The following ASB4 variants were observed in gnomAD, a reference collection of about 807,000 sequenced individuals.
ASB4 encodes ankyrin repeat and SOCS box containing 4.
A neutral mutation model predicts 38.6 loss-of-function variants in ASB4; 35 were observed. That is an observed-to-expected ratio of 0.91 (90% CI 0.69 to 1.20). ASB4 has a LOEUF of 1.20. ASB4 is among the 50% of genes most tolerant of loss of function. The pLI is 0.00. For missense variants in ASB4, 557 were observed against 527.2 expected (o/e 1.06, Z -0.55); for synonymous variants, 195 against 201.3 (o/e 0.97, Z 0.26).
At chr7:95,478,925 G>GCGCCCC (rs1389820595) in intron 1 of ASB4, among the ~76,000 whole-genome samples, 2 of 152,150 alleles carry the variant, frequency 1.3e-5, no homozygotes, top group Admixed American at 1.3e-4. Flanking sequence ...AGTTCTTCCA[G>GCGCCCC]CGCCCCCAAC....
intron 2 of ASB4, among the ~76,000 whole-genome samples, chr7:95,503,245 C>G (rs995053907): frequency 1.3e-5 from 2 of 152,076 alleles, no homozygotes; most frequent in African/African-American, 4.8e-5. Context: ...AGAAAACAAA[C>G]CTGTGAATCA....
At chr7:95,499,635 A>G (rs138256660) in intron 2 of ASB4, among the ~76,000 whole-genome samples, 134 of 152,298 alleles carry the variant, frequency 8.8e-4, no homozygotes, top group African/African-American at 3.1e-3. Context: ...AACAATTGGT[A>G]AAAAGAAGTG....
intron 3 of ASB4, among the ~76,000 whole-genome samples, chr7:95,536,222 GT>G (rs571581914): frequency 0.023 from 3,447 of 148,416 alleles, 81 homozygotes; most frequent in Admixed American, 0.058. Context: ...GTGGGTTCTG[GT>G]TTTTTTTTTA....
At chr7:95,508,256 C>T (rs898985573) in intron 2 of ASB4, among the ~76,000 whole-genome samples, 14 of 151,942 alleles carry the variant, frequency 9.2e-5, no homozygotes, top group Admixed American at 6.6e-5. Flanking sequence ...TCTGTTCTAT[C>T]GTAGCCAGAG....
the ASB4 span, among the ~76,000 whole-genome samples, chr7:95,550,502 T>G: frequency 1.3e-5 from 2 of 152,172 alleles, no homozygotes; most frequent in Non-Finnish European, 2.9e-5. Flanking sequence ...CCTCTAGCCT[T>G]CAAAAGCAAA....
downstream of ASB4, among the ~76,000 whole-genome samples, chr7:95,545,180 A>G (rs73708034): frequency 0.022 from 3,286 of 152,262 alleles, 130 homozygotes; most frequent in African/African-American, 0.075. Flanking sequence ...GCACTGTAGG[A>G]GAATTTTCTC....
chr7:95,504,100 C>G (rs993152043), intron 2 of ASB4, among the ~76,000 whole-genome samples: 1 of 152,140 alleles, frequency 6.6e-6, no homozygotes, highest in African/African-American at 2.4e-5. Flanking sequence ...TAAAGAGAGT[C>G]GGGGCAGGTT....
upstream of ASB4, among the ~76,000 whole-genome samples, chr7:95,478,095 A>G (rs1307385236): frequency 6.6e-6 from 1 of 152,320 alleles, no homozygotes; most frequent in East Asian, 1.9e-4. Context: ...GGACAGTCCA[A>G]TTTCTTTACC....
chr7:95,512,329 C>T (rs564083657), intron 2 of ASB4, among the ~76,000 whole-genome samples: 3 of 152,296 alleles, frequency 2.0e-5, no homozygotes, highest in East Asian at 1.9e-4. Flanking sequence ...AATGGGGCTA[C>T]GGATAATTCA....
intron 1 of ASB4, among the ~76,000 whole-genome samples, chr7:95,488,819 G>A (rs1227546155): frequency 6.6e-6 from 1 of 152,194 alleles, no homozygotes; most frequent in Non-Finnish European, 1.5e-5. Context: ...TGAGGAAACA[G>A]AGCATTCCTG....
At chr7:95,480,348 T>C (rs1790012349) in intron 1 of ASB4, among the ~76,000 whole-genome samples, 1 of 152,184 alleles carries the variant, frequency 6.6e-6, no homozygotes, top group Non-Finnish European at 1.5e-5. Flanking sequence ...GCAGTACTTA[T>C]AAAAAGTACA....
Position 95,528,076 on chromosome 7 carries a change from G to T in ASB4, c.751G>T (p.Asp251Tyr). ...YKAEVNARDD[D>Y]FKSPLHKAAW... ...AGCCGAAGTCAATGCCCGAGATGACGACTTTAAATCTCCCCTCCACAAGGC... is the reference window on the plus strand; with the variant it reads ...AGCCGAAGTCAATGCCCGAGATGACTACTTTAAATCTCCCCTCCACAAGGC... Residue 251 changes from aspartate (D) to tyrosine (Y), a missense_variant, in exon 3 of 5, where the codon GAC becomes TAC. Physicochemically the swap from Asp to Tyr is radical, Grantham distance 160 (BLOSUM62 -3). Transcript: ENST00000325885. 1 of 1,614,162 alleles carries T rather than the reference G, an allele frequency of 6.2e-7. No homozygotes were observed. Among genetic ancestry groups the T allele is most frequent in the East Asian group, 2.2e-5 (1 of 44,868 alleles).
the ASB4 span, among the ~76,000 whole-genome samples, chr7:95,546,473 T>C: frequency 6.6e-6 from 1 of 152,202 alleles, no homozygotes; most frequent in Non-Finnish European, 1.5e-5. Flanking sequence ...ATATGCTGTG[T>C]CTGTATCTTA....
At chr7:95,537,549 T>C in intron 4 of ASB4, 22 bp from the exon 5 acceptor site, 1 of 1,575,752 alleles carries the variant, frequency 6.3e-7, no homozygotes, top group Non-Finnish European at 8.6e-7. Context: ...CTAACTTTAA[T>C]TTGTCTTGCC....
In ASB4 at chr7:95,489,342, C is replaced by A. The variant is rs1005690656; in HGVS notation, c.187+3184C>A. 7.2e-5 allele frequency among the ~76,000 whole-genome samples: 11 copies of A among 152,270 alleles called. No homozygotes were observed. The East Asian group carries it at 2.1e-3, about 29-fold the overall frequency. On this transcript the variant is annotated intron_variant, in intron 1 of 4. Coordinates refer to ENST00000325885, the MANE Select transcript of ASB4 (RefSeq NM_016116.3). ...CTTTCCTCTGTAGCACTGGGCCCATCTCATTGAATAGCTTCTCTTACCAAT... is the reference window on the plus strand; with the variant it reads ...CTTTCCTCTGTAGCACTGGGCCCATATCATTGAATAGCTTCTCTTACCAAT...
chr7:95,481,080 T>G (rs1790018125), upstream of ASB4, among the ~76,000 whole-genome samples: 1 of 152,190 alleles, frequency 6.6e-6, no homozygotes, highest in Non-Finnish European at 1.5e-5. Flanking sequence ...TATAATTCAT[T>G]TATAGTCTTT....
chr7:95,542,232 A>C (rs933091644), downstream of ASB4: 2 of 152,124 alleles, frequency 1.3e-5, no homozygotes, highest in African/African-American at 4.8e-5. Flanking sequence ...TTTTATTTAG[A>C]AATAAGGATA....
At chr7:95,493,503 A>G (rs943515504) in intron 1 of ASB4, among the ~76,000 whole-genome samples, 1 of 152,016 alleles carries the variant, frequency 6.6e-6, no homozygotes, top group African/African-American at 2.4e-5. Flanking sequence ...CAACCTTGTA[A>G]ATAGCTTCTT....
chr7:95,515,365 T>G (rs1358444792), intron 2 of ASB4, among the ~76,000 whole-genome samples: 1 of 98,300 alleles, frequency 1.0e-5, no homozygotes, highest in Non-Finnish European at 2.4e-5. Flanking sequence ...CTTTCTTTCT[T>G]TTCTTTCTTT....
Sources: allele counts gnomAD v4.1 joint callset (sites outside exome capture counted in the v4.1 genomes callset), GRCh38; gene constraint gnomAD v4.1.1; transcripts MANE v1.5; gene names NCBI Gene and HGNC (gene_info 2026-07-23, HGNC 2026-07-21).